The following LINGO2 variants were observed in gnomAD, a reference collection of about 807,000 sequenced individuals.
The protein encoded by LINGO2 is leucine-rich repeat and immunoglobulin-like domain-containing nogo receptor-interacting protein 2.
LINGO2 carries 14 observed loss-of-function variants against 30.6 expected under a neutral mutation model. That is an observed-to-expected ratio of 0.46 (90% CI 0.30 to 0.72). The LOEUF is 0.72. LINGO2 is among the 30% of genes least tolerant of loss of function. The pLI is 0.07. For synonymous variants in LINGO2, 317 were observed against 288.5 expected (o/e 1.10, Z -1.00); for missense variants, 729 against 751.7 (o/e 0.97, Z 0.35).
At chr9:28,950,205 T>C in the LINGO2 span, among the ~76,000 whole-genome samples, 1 of 152,204 alleles carries the variant, frequency 6.6e-6, no homozygotes, top group South Asian at 2.1e-4. Flanking sequence ...CGCTTCATGC[T>C]AAGAACGCTC....
At chr9:28,694,640 G>A in the LINGO2 span, among the ~76,000 whole-genome samples, 1 of 151,902 alleles carries the variant, frequency 6.6e-6, no homozygotes, top group East Asian at 1.9e-4. Context: ...AGGAATCCAA[G>A]GCACAAGAAG....
rs145480485 is a variant in LINGO2 at position 28,212,164 on chromosome 9, A to C, written c.-87+83044T>G. 1.5e-4 allele frequency among the ~76,000 whole-genome samples: 22 copies of C among 151,582 alleles called. No individual in the cohort carries two copies. The East Asian group carries it at 4.1e-3, about 28-fold the overall frequency. On this transcript the variant is annotated intron_variant, in intron 4 of 5. Transcript: ENST00000379992. ...AGAAATGGAGATAGTATTTTTAATA[A>C]AAGTCCTATGACTGCTAAATAAGTC... is the stretch of plus-strand genomic sequence containing the variant.
the LINGO2 span, among the ~76,000 whole-genome samples, chr9:29,161,471 C>T: frequency 6.6e-6 from 1 of 152,140 alleles, no homozygotes; most frequent in African/African-American, 2.4e-5. Flanking sequence ...TATCTGCACC[C>T]CTAGTATCCT....
At chr9:28,280,281 G>C (rs889359568) in intron 4 of LINGO2, among the ~76,000 whole-genome samples, 2 of 152,122 alleles carry the variant, frequency 1.3e-5, no homozygotes, top group Non-Finnish European at 2.9e-5. Flanking sequence ...AGATACATAA[G>C]AGTCCACAAG....
chr9:28,030,312 A>G (rs542318141), intron 4 of LINGO2, among the ~76,000 whole-genome samples: 2 of 152,342 alleles, frequency 1.3e-5, no homozygotes, highest in Admixed American at 6.5e-5. Context: ...CTGTATATTT[A>G]CTTTCATGTC....
rs370455913 is a variant in LINGO2, at chr9:28,267,337, TTCAACTTTCC to T, written c.-87+27861_-87+27870del. 4.9e-3 allele frequency among the ~76,000 whole-genome samples: 738 copies of T among 152,102 alleles called. 6 individuals are homozygous for T. The highest frequency in any genetic ancestry group is 0.017 in the African/African-American group (697 of 41,516). On this transcript the variant is annotated intron_variant, in intron 4 of 5. Coordinates refer to ENST00000379992, the Ensembl canonical transcript of LINGO2. ...AATTATCTTACACATAGCTGCCAAATTCAACTTTCCTCACTTATTCCTTTGCTTAGGGCAA... is the reference window on the plus strand; with the variant it reads ...AATTATCTTACACATAGCTGCCAAATTCACTTATTCCTTTGCTTAGGGCAA...
In LINGO2 at chr9:27,990,244, G is replaced by A. The variant is rs139404368; in HGVS notation, c.-36+22111C>T. On this transcript the variant is annotated intron_variant, in intron 5 of 5. Coordinates refer to ENST00000379992, the Ensembl canonical transcript of LINGO2. ...AACAAGATTCAACATAATAGAATGA[G>A]CATTCCCTGAAGGCAGGTATCACAT... is the stretch of plus-strand genomic sequence containing the variant. Among the ~76,000 whole-genome samples, 563 of 152,002 alleles carry A rather than the reference G, an allele frequency of 3.7e-3. 6 individuals are homozygous for A. Among genetic ancestry groups the A allele is most frequent in the African/African-American group, 0.012 (506 of 41,486 alleles).
chr9:28,688,344 C>T, the LINGO2 span, among the ~76,000 whole-genome samples: 2 of 152,168 alleles, frequency 1.3e-5, no homozygotes, highest in Admixed American at 6.5e-5. Flanking sequence ...AGAACAAGCT[C>T]AGAAGTTATC....
chr9:28,197,512 T>C (rs1333780931), intron 4 of LINGO2, among the ~76,000 whole-genome samples: 2 of 152,064 alleles, frequency 1.3e-5, no homozygotes, highest in East Asian at 1.9e-4. Flanking sequence ...TCATTAGTAA[T>C]TGGGAAAAAT....
At chr9:28,817,101 T>C in the LINGO2 span, among the ~76,000 whole-genome samples, 4 of 152,112 alleles carry the variant, frequency 2.6e-5, no homozygotes, top group Admixed American at 2.0e-4. Context: ...GGTCCATAAG[T>C]TTTGCCAAAA....
intron 1 of LINGO2, among the ~76,000 whole-genome samples, chr9:28,667,016 C>T (rs891045562): frequency 3.3e-5 from 5 of 152,154 alleles, no homozygotes; most frequent in South Asian, 2.1e-4. Flanking sequence ...TATATAAAGG[C>T]TATTTCTCCA....
the LINGO2 span, among the ~76,000 whole-genome samples, chr9:29,080,568 C>A: frequency 6.6e-6 from 1 of 152,222 alleles, no homozygotes; most frequent in East Asian, 1.9e-4. Context: ...CCTGCTTTCT[C>A]TTGTGGGCAT....
At chr9:28,025,721 G>T (rs185907547) in intron 4 of LINGO2, among the ~76,000 whole-genome samples, 2 of 152,292 alleles carry the variant, frequency 1.3e-5, no homozygotes, top group Admixed American at 1.3e-4. Context: ...TGTTAGATCA[G>T]AAAAGCATAC....
intron 4 of LINGO2, among the ~76,000 whole-genome samples, chr9:28,169,354 AT>A (rs1406335114): frequency 6.6e-6 from 1 of 152,218 alleles, no homozygotes; most frequent in Non-Finnish European, 1.5e-5. Context: ...ATAGGATAAT[AT>A]TCATTTTTAC....
exon 6 of LINGO2, chr9:27,950,210 G>A (rs749890690): frequency 1.9e-6 from 3 of 1,613,944 alleles, no homozygotes; most frequent in South Asian, 1.1e-5. Context: ...GAGACTTCAG[G>A]TTATGTAGAT....
intron 1 of LINGO2, among the ~76,000 whole-genome samples, chr9:28,619,948 G>C (rs1826315566): frequency 6.6e-6 from 1 of 152,122 alleles, no homozygotes; most frequent in Non-Finnish European, 1.5e-5. Context: ...CCAGAATCTT[G>C]AGAAATTTGT....
intron 4 of LINGO2, among the ~76,000 whole-genome samples, chr9:28,293,888 A>T (rs1175672186): frequency 6.6e-6 from 1 of 152,186 alleles, no homozygotes; most frequent in African/African-American, 2.4e-5. Context: ...ACTCGGTTTC[A>T]CTTTCTTCTA....
At chr9:28,128,908 G>T (rs576039701) in intron 4 of LINGO2, among the ~76,000 whole-genome samples, 1 of 152,278 alleles carries the variant, frequency 6.6e-6, no homozygotes, top group African/African-American at 2.4e-5. Flanking sequence ...CCCACCCTCA[G>T]TCTGCGTGGG....
At chr9:29,102,001 A>G in the LINGO2 span, among the ~76,000 whole-genome samples, 1 of 152,142 alleles carries the variant, frequency 6.6e-6, no homozygotes, top group South Asian at 2.1e-4. Context: ...GTGCTTTATA[A>G]AAGTATTTAA....
Sources: allele counts gnomAD v4.1 joint callset (sites outside exome capture counted in the v4.1 genomes callset), GRCh38; gene constraint gnomAD v4.1.1; transcripts MANE v1.5; gene names NCBI Gene and HGNC (gene_info 2026-07-23, HGNC 2026-07-21).